The following RNF145 variants were observed in gnomAD, a reference collection of about 807,000 sequenced individuals.
The protein encoded by RNF145 is ring finger protein 145.
Under a neutral mutation model 57.3 loss-of-function variants are expected in RNF145, and 12 were observed. The ratio of observed to expected loss-of-function variants is 0.21; its 90% CI spans 0.13 to 0.34. The LOEUF is 0.34. Ranked by LOEUF, RNF145 falls within the 10% of genes least tolerant of loss-of-function variation. The probability of loss-of-function intolerance (pLI) is 1.00; values close to 1 mark genes in which losing one functional copy is unlikely to be tolerated. For synonymous variants in RNF145, 262 were observed against 288.3 expected (o/e 0.91, Z 0.92); for missense variants, 429 against 799.0 (o/e 0.54, Z 5.58).
intron 10 of RNF145, 83 bp from the exon 11 acceptor site, chr5:159,159,118 ATC>A: frequency 7.8e-7 from 1 of 1,274,580 alleles, no homozygotes; most frequent in East Asian, 2.3e-5. Context: ...TGGTTCTAAC[ATC>A]TCTTTCCCAC....
chr5:159,163,476 T>A (rs140934448), intron 8 of RNF145, among the ~76,000 whole-genome samples: 1 of 152,320 alleles, frequency 6.6e-6, no homozygotes, highest in African/African-American at 2.4e-5. Flanking sequence ...TCCCACTGTT[T>A]CCACTTGTGA....
At chr5:159,179,898 T>A (rs114023345) in intron 4 of RNF145, among the ~76,000 whole-genome samples, 3 of 152,290 alleles carry the variant, frequency 2.0e-5, no homozygotes, top group Non-Finnish European at 4.4e-5. Flanking sequence ...ACTGAAACTT[T>A]CAAACAGATT....
intron 1 of RNF145, 23 bp from the exon 2 acceptor site, chr5:159,203,679 T>A (rs111276715): frequency 6.7e-7 from 1 of 1,501,092 alleles, no homozygotes; most frequent in Middle Eastern, 1.9e-4. Flanking sequence ...AGACACAATA[T>A]ATAAAAATAA....
At position 159,207,305 on chromosome 5, in the gene RNF145, AAT is replaced by A. The variant is rs1785924663; in HGVS notation, c.-40+1924_-40+1925del. On this transcript the variant is annotated intron_variant, in intron 1 of 10. Transcript: ENST00000424310. ...ACTATGTCAAATAAGAGAAATGAAA[AAT>A]GTGATTTTTTATTTCTCTTATTTGA... Among the ~76,000 whole-genome samples the A allele has an allele frequency of 2.0e-5, 3 of 152,310 alleles. No individual in the cohort carries two copies. The South Asian group carries it at 6.2e-4, about 32-fold the overall frequency.
chr5:159,162,541 T>C (rs1391341003), intron 9 of RNF145, among the ~76,000 whole-genome samples: 5 of 150,966 alleles, frequency 3.3e-5, no homozygotes, highest in African/African-American at 1.2e-4. Context: ...TTTACGCCAT[T>C]CTCCTGCCTC....
At chr5:159,197,144 T>C (rs1469724150) in intron 2 of RNF145, among the ~76,000 whole-genome samples, 3 of 152,250 alleles carry the variant, frequency 2.0e-5, no homozygotes, top group Admixed American at 2.0e-4. Flanking sequence ...GGAAGGGCTA[T>C]GGTTAAGTGA....
intron 2 of RNF145, among the ~76,000 whole-genome samples, chr5:159,198,239 CTAAATAAATAAATAAATAAATAAA>C (rs10565309): frequency 2.7e-5 from 4 of 146,944 alleles, no homozygotes; most frequent in African/African-American, 1.0e-4. Context: ...GACTCTATCT[CTAAATAAATAAATAAATAAATAAA>C]TAAATAAATA....
intron 4 of RNF145, 91 bp from the exon 5 acceptor site, chr5:159,176,958 C>T (rs1784740119): frequency 2.9e-6 from 2 of 698,544 alleles, no homozygotes; most frequent in Admixed American, 6.1e-5. Flanking sequence ...AGGATAATAA[C>T]ACAACTTTTG....
chr5:159,190,749 T>A (rs1309268759), intron 3 of RNF145, among the ~76,000 whole-genome samples: 1 of 151,554 alleles, frequency 6.6e-6, no homozygotes, highest in Non-Finnish European at 1.5e-5. Flanking sequence ...ATTATTTTTT[T>A]AAAACTAAAA....
rs1353300782 is a variant in RNF145, at chr5:159,158,855, C to T, written c.1807G>A (p.Val603Ile). ...GGTTCAGTACCTTCCTGAAACATGA[C>T]GTTTTGCTCAGCTCCAGCATGAGGC... is the stretch of plus-strand genomic sequence containing the variant. ...LQPHAGAEQN[V>I]MFQEGTEPPG... Residue 603 changes from valine to isoleucine, a missense_variant, in exon 11 of 11, where the codon GTC becomes ATC. Physicochemically the swap from Val to Ile is conservative, Grantham distance 29. Transcript: ENST00000424310. 3 of 1,613,770 alleles carry T rather than the reference C, an allele frequency of 1.9e-6. No homozygotes were observed. The highest frequency in any genetic ancestry group is 2.5e-6 in the Non-Finnish European group (3 of 1,179,862).
chr5:159,207,898 G>A (rs774508857), intron 1 of RNF145: 1 of 1,612,798 alleles, frequency 6.2e-7, no homozygotes, highest in East Asian at 2.2e-5. Flanking sequence ...CTCTGCCATC[G>A]GCCGCTCAGC....
chr5:159,176,389 C>T (rs1019482119), intron 5 of RNF145, among the ~76,000 whole-genome samples: 1 of 152,170 alleles, frequency 6.6e-6, no homozygotes, highest in East Asian at 1.9e-4. Flanking sequence ...TAGTGAACAG[C>T]AGCATCAGGG....
intron 5 of RNF145, 57 bp downstream of exon 5, chr5:159,176,575 G>A (rs1784727218): frequency 1.0e-6 from 1 of 1,004,264 alleles, no homozygotes; most frequent in South Asian, 1.5e-5. Flanking sequence ...TAACTTTAAT[G>A]TACTTAACAT....
At chr5:159,161,052 A>G (rs1562044676) in intron 10 of RNF145, 2 of 487,322 alleles carry the variant, frequency 4.1e-6, no homozygotes, top group African/African-American at 2.0e-5. Flanking sequence ...GAAAACAACA[A>G]TACATTAGAA....
At chr5:159,204,803 CAAAAAAAAA>C (rs1163143098) in intron 1 of RNF145, among the ~76,000 whole-genome samples, 1 of 47,068 alleles carries the variant, frequency 2.1e-5, no homozygotes, top group African/African-American at 7.0e-5. Flanking sequence ...GACTCCGTCT[CAAAAAAAAA>C]AAAAAAAAAA....
At position 159,195,415 on chromosome 5, in the gene RNF145, AC is replaced by A. The variant is rs375690117; in HGVS notation, c.185-592del. ...CTGTCAAATGTTTGAAAAGATCTAT[AC>A]CCAATGCCTCTATTTTCTAAGCATC... On this transcript the variant is annotated intron_variant, in intron 2 of 10. Transcript: ENST00000424310. Among the ~76,000 whole-genome samples, 170 of 152,164 alleles carry A rather than the reference AC, an allele frequency of 1.1e-3. 1 individual carries two copies. In the East Asian group the frequency reaches 0.025, roughly 22 times the overall value.
chr5:159,188,328 A>G (rs958135968), intron 3 of RNF145, among the ~76,000 whole-genome samples: 1 of 151,998 alleles, frequency 6.6e-6, no homozygotes, highest in African/African-American at 2.4e-5. Flanking sequence ...CGGAGCTTGC[A>G]GTGAGCCATG....
intron 6 of RNF145, 47 bp downstream of exon 6, chr5:159,173,936 T>G (rs756538931): frequency 7.7e-7 from 1 of 1,292,240 alleles, no homozygotes; most frequent in Non-Finnish European, 1.0e-6. Flanking sequence ...GATCAAAGTT[T>G]TCTCTTTCTA....
intron 3 of RNF145, among the ~76,000 whole-genome samples, chr5:159,189,891 C>T (rs775052885): frequency 1.3e-4 from 20 of 152,144 alleles, no homozygotes; most frequent in Non-Finnish European, 2.6e-4. Context: ...CTGACAGTTG[C>T]CAAGGGCTGG....
Sources: allele counts gnomAD v4.1 joint callset (sites outside exome capture counted in the v4.1 genomes callset), GRCh38; gene constraint gnomAD v4.1.1; transcripts MANE v1.5; gene names NCBI Gene and HGNC (gene_info 2026-07-23, HGNC 2026-07-21).